TBC1D12: variants seen among roughly 807,000 people sequenced by gnomAD.
TBC1D12 encodes TBC1 domain family member 12.
Under a neutral mutation model 86.7 loss-of-function variants are expected in TBC1D12, and 56 were observed. That is an observed-to-expected ratio of 0.65 (90% CI 0.52 to 0.81). TBC1D12 has a LOEUF of 0.81. Among genes scored for constraint, TBC1D12 ranks in the 30% least tolerant of loss-of-function variants. TBC1D12 has a pLI of 0.00. For synonymous variants in TBC1D12, 421 were observed against 411.7 expected, an observed-to-expected ratio of 1.02 and a Z score of -0.27; for missense variants, 1,023 against 1,038.8, an observed-to-expected ratio of 0.98 and a Z score of 0.21.
Position 94,533,135 on chromosome 10 carries a change from GT to G in TBC1D12, c.*44del. 3 of 1,386,632 alleles carry G rather than the reference GT, an allele frequency of 2.2e-6. No individual in the cohort carries two copies. The highest frequency in any genetic ancestry group is 3.0e-6 in the Non-Finnish European group (3 of 1,013,892). The allele number at this position is 1,386,632 out of a possible 1,614,324, so 85.9% of individuals were successfully genotyped here. On this transcript the variant is annotated 3_prime_UTR_variant, in exon 13 of 13. Coordinates refer to ENST00000225235, the MANE Select transcript of TBC1D12 (RefSeq NM_015188.2). ...CAGACTAACTGACATAGAAAAAGTGGTTTTTGGATAAAGGTTTTTTGTTTCC... is the reference window on the plus strand; with the variant it reads ...CAGACTAACTGACATAGAAAAAGTGGTTTTGGATAAAGGTTTTTTGTTTCC...
rs74150810 is a variant in TBC1D12, at chr10:94,532,894, T to A, written c.2260-134T>A. The A allele has an allele frequency of 8.3e-3, 4,252 of 510,470 alleles. 145 individuals carry two copies. Among genetic ancestry groups the A allele is most frequent in the African/African-American group, 0.073 (3,598 of 49,252 alleles). The allele number at this position is 510,470 out of a possible 1,614,324, so 31.6% of individuals were successfully genotyped here. A position where few individuals can be genotyped will look rare whatever the true frequency, so the allele number is the denominator to read the frequency against. On this transcript the variant is annotated intron_variant, in intron 12 of 12. Transcript: ENST00000225235. Reference sequence around the variant, plus strand: ...TGATTAGAAAAAAATAAAGGGGATTTGAGAATGACACACTTTCGGGGACAG... The same window carrying A: ...TGATTAGAAAAAAATAAAGGGGATTAGAGAATGACACACTTTCGGGGACAG...
At chr10:94,532,656 C>G (rs1461417383) in intron 12 of TBC1D12, among the ~76,000 whole-genome samples, 1 of 152,090 alleles carries the variant, frequency 6.6e-6, no homozygotes. Flanking sequence ...ATGGTCCTGG[C>G]TTTTAGATGC....
chr10:94,493,540 A>C lies in TBC1D12; in HGVS notation c.1294+93A>C, dbSNP rs528364072. The C allele has an allele frequency of 7.9e-5, 77 of 973,382 alleles. 4 individuals carry two copies. In the South Asian group the frequency reaches 1.1e-3, roughly 14 times the overall value. The allele number at this position is 973,382 out of a possible 1,614,324, so 60.3% of individuals were successfully genotyped here. The stretch of plus-strand genomic sequence containing the variant: ...CAAGTCTGTCTTCAAGATGATACTG[A>C]ATTCTTTTTTTTATTTCTTTTTTCG... On this transcript the variant is annotated intron_variant, in intron 4 of 12. Coordinates refer to ENST00000225235, the MANE Select transcript of TBC1D12 (RefSeq NM_015188.2).
chr10:94,497,891 C>T (rs866617383), intron 5 of TBC1D12, among the ~76,000 whole-genome samples: 26 of 149,404 alleles, frequency 1.7e-4, no homozygotes, highest in Middle Eastern at 3.5e-3. Flanking sequence ...GGCACAATCT[C>T]GGCTCACTGC....
intron 1 of TBC1D12, among the ~76,000 whole-genome samples, chr10:94,429,965 G>C (rs887499454): frequency 1.3e-5 from 2 of 152,072 alleles, no homozygotes; most frequent in Non-Finnish European, 2.9e-5. Flanking sequence ...CGAACTCTTG[G>C]ACGCAAGATA....
intron 11 of TBC1D12, among the ~76,000 whole-genome samples, chr10:94,528,152 A>G (rs943395667): frequency 6.6e-5 from 10 of 152,000 alleles, no homozygotes; most frequent in African/African-American, 1.2e-4. Flanking sequence ...TATGGAATCT[A>G]TAGATTATAT....
At chr10:94,516,964 T>A (rs1390227872) in intron 9 of TBC1D12, among the ~76,000 whole-genome samples, 1 of 152,038 alleles carries the variant, frequency 6.6e-6, no homozygotes, top group Non-Finnish European at 1.5e-5. Flanking sequence ...CCCAGGCTGA[T>A]CTTGAACTCC....
At chr10:94,470,500 A>C (rs985748636) in intron 2 of TBC1D12, among the ~76,000 whole-genome samples, 3 of 151,904 alleles carry the variant, frequency 2.0e-5, no homozygotes, top group Non-Finnish European at 2.9e-5. Flanking sequence ...GTAGCTGAGG[A>C]CTAGAGGCGC....
chr10:94,449,472 C>T (rs2055517901), intron 2 of TBC1D12, among the ~76,000 whole-genome samples: 2 of 152,100 alleles, frequency 1.3e-5, no homozygotes, highest in South Asian at 4.1e-4. Flanking sequence ...ACATCATAAT[C>T]AGCTAAACCC....
At chr10:94,456,863 T>TATG (rs1264974978) in intron 2 of TBC1D12, among the ~76,000 whole-genome samples, 1 of 152,232 alleles carries the variant, frequency 6.6e-6, no homozygotes, top group Non-Finnish European at 1.5e-5. Flanking sequence ...TAGTTGCATA[T>TATG]ATGATAAGGA....
rs1241013387 is a variant in TBC1D12 at position 94,536,198 on chromosome 10, TA to T, written c.*3111del. Among the ~76,000 whole-genome samples, 3 of 151,504 alleles carry T rather than the reference TA, an allele frequency of 2.0e-5. No individual in the cohort carries two copies. The highest frequency in any genetic ancestry group is 2.1e-4 in the South Asian group (1 of 4,788). The stretch of plus-strand genomic sequence containing the variant: ...GTTGTTGTTACAGTATATTTTCAAT[TA>T]AAAAAAAACTTTTCCTAAAATACTC... On this transcript the variant is annotated 3_prime_UTR_variant, in exon 13 of 13. Coordinates refer to ENST00000225235, the MANE Select transcript of TBC1D12 (RefSeq NM_015188.2).
intron 2 of TBC1D12, among the ~76,000 whole-genome samples, chr10:94,465,792 ACG>A (rs1491086632): frequency 3.4e-4 from 46 of 137,046 alleles, no homozygotes; most frequent in African/African-American, 9.4e-4. Context: ...ACATACATAT[ACG>A]CATACATACA....
chr10:94,472,593 T>A (rs1253131946), intron 2 of TBC1D12, among the ~76,000 whole-genome samples: 2 of 152,216 alleles, frequency 1.3e-5, no homozygotes, highest in African/African-American at 4.8e-5. Flanking sequence ...AAAACACCAT[T>A]TAAATTATAA....
At chr10:94,471,364 A>G (rs1039900074) in intron 2 of TBC1D12, among the ~76,000 whole-genome samples, 2 of 152,098 alleles carry the variant, frequency 1.3e-5, no homozygotes, top group Non-Finnish European at 2.9e-5. Context: ...TATATATTAA[A>G]TGTATACTTA....
At chr10:94,412,041 A>C (rs943778285) in intron 1 of TBC1D12, among the ~76,000 whole-genome samples, 3 of 152,186 alleles carry the variant, frequency 2.0e-5, no homozygotes, top group African/African-American at 7.2e-5. Context: ...GGCATCTTCA[A>C]ATTACAGGAT....
intron 1 of TBC1D12, among the ~76,000 whole-genome samples, chr10:94,416,717 A>G (rs2134056488): frequency 6.6e-6 from 1 of 152,296 alleles, no homozygotes; most frequent in East Asian, 1.9e-4. Flanking sequence ...ATAAAAGAGG[A>G]TATGAGGATG....
intron 3 of TBC1D12, among the ~76,000 whole-genome samples, chr10:94,483,957 C>T (rs773306325): frequency 2.0e-5 from 3 of 152,058 alleles, no homozygotes; most frequent in Non-Finnish European, 4.4e-5. Flanking sequence ...GATTTTTGTA[C>T]GTGGTGAGAG....
chr10:94,531,097 T>C, intron 11 of TBC1D12, 105 bp from the exon 12 acceptor site: 1 of 1,320,764 alleles, frequency 7.6e-7, no homozygotes, highest in Non-Finnish European at 1.0e-6. Context: ...GTTATTTGCC[T>C]TCTTATCCCT....
chr10:94,528,868 G>T (rs1842360557), intron 11 of TBC1D12, among the ~76,000 whole-genome samples: 1 of 144,828 alleles, frequency 6.9e-6, no homozygotes, highest in African/African-American at 2.5e-5. Flanking sequence ...GGAGGGGGAA[G>T]AGTACAGATG....
Sources: gnomAD v4.1 joint callset for allele counts (sites outside exome capture counted in the v4.1 genomes callset) on GRCh38, gnomAD v4.1.1 for gene constraint, MANE v1.5 for transcripts, NCBI Gene and HGNC (gene_info 2026-07-23, HGNC 2026-07-21) for gene names.